COL8A1: variants seen among roughly 807,000 people sequenced by gnomAD.
COL8A1 encodes collagen alpha-1(VIII) chain.
Under a neutral mutation model 42.7 loss-of-function variants are expected in COL8A1, and 21 were observed. The observed-to-expected ratio is 0.49, with a 90% confidence interval of 0.35 to 0.71. The LOEUF (loss-of-function observed/expected upper bound fraction) is 0.71. COL8A1 is among the 30% of genes least tolerant of loss of function. COL8A1 has a pLI of 0.01. For synonymous variants in COL8A1, 367 were observed against 369.1 expected (o/e 0.99, Z 0.06); for missense variants, 788 against 962.4 (o/e 0.82, Z 2.40).
intron 1 of COL8A1, among the ~76,000 whole-genome samples, chr3:99,663,605 T>G (rs184234969): frequency 3.3e-5 from 5 of 152,286 alleles, no homozygotes; most frequent in Admixed American, 3.3e-4. Context: ...GACCTTTAAA[T>G]CATATTTTCC....
chr3:99,788,316 C>T (rs2107454023), intron 2 of COL8A1, among the ~76,000 whole-genome samples: 1 of 152,314 alleles, frequency 6.6e-6, no homozygotes, highest in South Asian at 2.1e-4. Flanking sequence ...GGAAATAATT[C>T]AACTGGTATT....
chr3:99,640,828 G>A (rs1937493622), intron 1 of COL8A1, among the ~76,000 whole-genome samples: 1 of 152,130 alleles, frequency 6.6e-6, no homozygotes, highest in Non-Finnish European at 1.5e-5. Flanking sequence ...TTCTGCATGG[G>A]ATGTGGATAC....
chr3:99,749,684 A>G (rs1415217824), intron 2 of COL8A1, among the ~76,000 whole-genome samples: 1 of 152,190 alleles, frequency 6.6e-6, no homozygotes. Flanking sequence ...CCTATTGTTC[A>G]TAAAGCAAAG....
intron 2 of COL8A1, among the ~76,000 whole-genome samples, chr3:99,775,894 G>A (rs909457867): frequency 2.0e-5 from 3 of 152,180 alleles, no homozygotes; most frequent in Admixed American, 2.0e-4. Context: ...CAAAATCTGG[G>A]TATTGAGGAA....
At chr3:99,663,473 G>C (rs558813396) in intron 1 of COL8A1, among the ~76,000 whole-genome samples, 1 of 152,236 alleles carries the variant, frequency 6.6e-6, no homozygotes, top group East Asian at 1.9e-4. Context: ...CAGTTGTTTG[G>C]GGATTTTTTT....
chr3:99,690,870 G>C (rs1447469573), intron 1 of COL8A1, among the ~76,000 whole-genome samples: 1 of 152,186 alleles, frequency 6.6e-6, no homozygotes, highest in Non-Finnish European at 1.5e-5. Context: ...AAACCTGCAA[G>C]GGGAATTCTA....
At chr3:99,777,672 C>T (rs572169658) in intron 2 of COL8A1, among the ~76,000 whole-genome samples, 4 of 152,274 alleles carry the variant, frequency 2.6e-5, no homozygotes, top group East Asian at 3.9e-4. Context: ...ATTTCCCAGA[C>T]GTTTTTCTAG....
intron 1 of COL8A1, among the ~76,000 whole-genome samples, chr3:99,674,293 G>A (rs1938627052): frequency 1.3e-5 from 2 of 151,768 alleles, no homozygotes; most frequent in South Asian, 4.1e-4. Flanking sequence ...TGGTCCTATG[G>A]GCCAAGATAA....
chr3:99,798,278 C>T lies in COL8A1; in HGVS notation c.*2142C>T, dbSNP rs544454604. 6.6e-6 allele frequency: 1 copy of T among 152,118 alleles called. No individual in the cohort carries two copies. The highest frequency in any genetic ancestry group is 1.5e-5 in the Non-Finnish European group (1 of 68,010). The allele number at this position is 152,118 out of a possible 1,614,324, so 9.4% of individuals were successfully genotyped here. ...TAATTATACAACAATCTTTTCCCAACAAAAAGATGTCCTCCACAACCTTTG... is the reference window on the plus strand; with the variant it reads ...TAATTATACAACAATCTTTTCCCAATAAAAAGATGTCCTCCACAACCTTTG... On this transcript the variant is annotated 3_prime_UTR_variant, in exon 4 of 4. Coordinates refer to ENST00000652472, the MANE Select transcript of COL8A1 (RefSeq NM_020351.4).
chr3:99,791,463 C>T (rs773345827), intron 3 of COL8A1, among the ~76,000 whole-genome samples: 6 of 152,152 alleles, frequency 3.9e-5, no homozygotes, highest in Non-Finnish European at 5.9e-5. Flanking sequence ...AAGCATTTTG[C>T]GAACTAAGTA....
chr3:99,714,721 C>T (rs971068992), intron 1 of COL8A1, among the ~76,000 whole-genome samples: 2 of 151,958 alleles, frequency 1.3e-5, no homozygotes, highest in African/African-American at 4.8e-5. Context: ...AAGTACAAGG[C>T]AGGCAAAATT....
intron 2 of COL8A1, among the ~76,000 whole-genome samples, chr3:99,762,777 C>T (rs1492343): frequency 0.098 from 14,973 of 152,222 alleles, 867 homozygotes; most frequent in African/African-American, 0.16. Flanking sequence ...TTCCAGGATC[C>T]TGTGCATCCA....
At chr3:99,754,752 ATCT>A (rs1289719990) in intron 2 of COL8A1, among the ~76,000 whole-genome samples, 1 of 152,170 alleles carries the variant, frequency 6.6e-6, no homozygotes, top group Admixed American at 6.6e-5. Context: ...CTTACCAGAG[ATCT>A]TCTTGGATTT....
intron 2 of COL8A1, among the ~76,000 whole-genome samples, chr3:99,775,306 T>C (rs1396649548): frequency 6.6e-6 from 1 of 152,126 alleles, no homozygotes; most frequent in Non-Finnish European, 1.5e-5. Context: ...TCTTATAACT[T>C]AGCTATTTAA....
chr3:99,731,781 C>A (rs1940518556), intron 1 of COL8A1, among the ~76,000 whole-genome samples: 1 of 152,018 alleles, frequency 6.6e-6, no homozygotes, highest in Non-Finnish European at 1.5e-5. Flanking sequence ...TCAAAGGAGC[C>A]AGAGTGAAAG....
chr3:99,706,344 C>T (rs1013969554), intron 1 of COL8A1, among the ~76,000 whole-genome samples: 2 of 152,104 alleles, frequency 1.3e-5, no homozygotes, highest in African/African-American at 4.8e-5. Context: ...TCAATGAAAA[C>T]CAGCTTTGTT....
chr3:99,683,887 C>T (rs755499878), intron 1 of COL8A1, among the ~76,000 whole-genome samples: 18 of 152,014 alleles, frequency 1.2e-4, no homozygotes, highest in Non-Finnish European at 2.2e-4. Context: ...GACTTTGTCT[C>T]TATAAGACCA....
At chr3:99,684,006 G>A (rs534062637) in intron 1 of COL8A1, among the ~76,000 whole-genome samples, 1 of 152,088 alleles carries the variant, frequency 6.6e-6, no homozygotes, top group Non-Finnish European at 1.5e-5. Flanking sequence ...TTAGTGAATT[G>A]ACTATGTACA....
intron 1 of COL8A1, among the ~76,000 whole-genome samples, chr3:99,717,612 C>T (rs1002409913): frequency 6.6e-6 from 1 of 151,898 alleles, no homozygotes; most frequent in Non-Finnish European, 1.5e-5. Context: ...AAAACTGAGC[C>T]CTCACCGAAT....
Sources: gnomAD v4.1 joint callset for allele counts (sites outside exome capture counted in the v4.1 genomes callset) on GRCh38, gnomAD v4.1.1 for gene constraint, MANE v1.5 for transcripts, NCBI Gene and HGNC (gene_info 2026-07-23, HGNC 2026-07-21) for gene names.